The following PLEKHA7 variants were observed in gnomAD, a reference collection of about 807,000 sequenced individuals.
PLEKHA7 encodes the protein pleckstrin homology domain containing A7.
In PLEKHA7, 104 loss-of-function variants were observed where a neutral mutation model predicts 170.0. The ratio of observed to expected loss-of-function variants is 0.61; its 90% confidence interval spans 0.52 to 0.72. PLEKHA7 has a LOEUF of 0.72. Ranked by LOEUF, PLEKHA7 falls within the 30% of genes least tolerant of loss-of-function variation. The probability of loss-of-function intolerance (pLI) is 0.00; values close to 1 mark genes in which losing one functional copy is unlikely to be tolerated. For missense variants in PLEKHA7, 1,615 were observed against 1,671.7 expected, an observed-to-expected ratio of 0.97 and a Z score of 0.59; for synonymous variants, 648 against 660.8, an observed-to-expected ratio of 0.98 and a Z score of 0.30.
chr11:16,797,533 AAC>A (rs1346765555), intron 17 of PLEKHA7, among the ~76,000 whole-genome samples: 1 of 152,196 alleles, frequency 6.6e-6, no homozygotes, highest in Non-Finnish European at 1.5e-5. Flanking sequence ...CAGCCAGGAC[AAC>A]AGAAGTCCAA....
chr11:16,941,043 C>A (rs1366861951), intron 3 of PLEKHA7, among the ~76,000 whole-genome samples: 3 of 152,184 alleles, frequency 2.0e-5, no homozygotes, highest in Admixed American at 6.5e-5. Flanking sequence ...CTAGCACTTA[C>A]CTCCAAGAAA....
intron 17 of PLEKHA7, among the ~76,000 whole-genome samples, chr11:16,795,737 C>T (rs910723382): frequency 1.3e-5 from 2 of 150,732 alleles, no homozygotes; most frequent in African/African-American, 2.4e-5. Flanking sequence ...TGCAGTGAGC[C>T]GAGATCATAT....
intron 3 of PLEKHA7, among the ~76,000 whole-genome samples, chr11:16,986,265 C>T (rs1041884520): frequency 5.9e-5 from 9 of 152,232 alleles, no homozygotes; most frequent in Middle Eastern, 3.4e-3. Flanking sequence ...GAAAACCAGT[C>T]GGAACCATCT....
chr11:16,962,628 T>C (rs1475356708), intron 3 of PLEKHA7, among the ~76,000 whole-genome samples: 1 of 152,162 alleles, frequency 6.6e-6, no homozygotes, highest in Non-Finnish European at 1.5e-5. Flanking sequence ...GCCCAGCTAA[T>C]TTTTATATTT....
intron 3 of PLEKHA7, among the ~76,000 whole-genome samples, chr11:16,925,928 G>C (rs1274624607): frequency 2.0e-5 from 3 of 152,230 alleles, no homozygotes; most frequent in African/African-American, 7.2e-5. Context: ...GGAGGGAAAA[G>C]GGCGGAGGGG....
At position 16,782,905 on chromosome 11, in the gene PLEKHA7, G is replaced by A. The variant is rs966607142; in HGVS notation, c.3651-9C>T. 13 of 1,535,844 alleles carry A rather than the reference G, an allele frequency of 8.5e-6. No homozygotes were observed. Among genetic ancestry groups the A allele is most frequent in the African/African-American group, 1.4e-5 (1 of 73,178 alleles). On this transcript the variant is annotated splice_polypyrimidine_tract_variant and intron_variant, in intron 25 of 26. Coordinates refer to ENST00000531066, the MANE Select transcript of PLEKHA7 (RefSeq NM_001329630.2). ...GCTGTAGGTTGCACATGCTGTAGGA[G>A]GGTCGGAAGCAGACCATGGGCCCTC... is the stretch of plus-strand genomic sequence containing the variant.
chr11:16,841,699 C>T lies in PLEKHA7; in HGVS notation c.720G>A (p.Ala240=), dbSNP rs751356852. 1.7e-5 allele frequency: 27 copies of T among 1,613,910 alleles called. No homozygotes were observed. Among genetic ancestry groups the T allele is most frequent in the East Asian group, 2.2e-5 (1 of 44,894 alleles). ...CCGCTGTGGAGCTGTTATAGATGAG[C>T]GCTCGCATCCCCGTGTGCACAGCCT... ...SFKAVHTGMR[A]LIYNSSTAGS... is the part of the protein sequence containing the mutation. Residue 240 remains alanine, a synonymous_variant, in exon 9 of 27, where the codon GCG becomes GCA. Coordinates refer to ENST00000531066, the MANE Select transcript of PLEKHA7 (RefSeq NM_001329630.2).
chr11:16,879,033 A>C (rs1435024943), intron 3 of PLEKHA7, among the ~76,000 whole-genome samples: 1 of 152,224 alleles, frequency 6.6e-6, no homozygotes, highest in Non-Finnish European at 1.5e-5. Context: ...AATCAAAGAA[A>C]GGAATGCAAA....
At chr11:16,790,741 G>A in intron 21 of PLEKHA7, 57 bp downstream of exon 21, 1 of 1,527,024 alleles carries the variant, frequency 6.5e-7, no homozygotes, top group South Asian at 1.2e-5. Flanking sequence ...ACCAGCTGAA[G>A]GCTGGAAGCA....
At chr11:16,964,300 G>A (rs564517615) in intron 3 of PLEKHA7, among the ~76,000 whole-genome samples, 16 of 152,294 alleles carry the variant, frequency 1.1e-4, no homozygotes, top group Admixed American at 9.2e-4. Flanking sequence ...ATCTGTTTGA[G>A]CTCCTGCTTT....
chr11:16,787,013 A>C, intron 23 of PLEKHA7: 1 of 985,066 alleles, frequency 1.0e-6, no homozygotes, highest in Non-Finnish European at 1.2e-6. Context: ...AAAAAACTAA[A>C]TCATATAAAA....
At chr11:16,868,016 A>T (rs923634004) in intron 4 of PLEKHA7, among the ~76,000 whole-genome samples, 9 of 152,162 alleles carry the variant, frequency 5.9e-5, no homozygotes, top group Admixed American at 2.6e-4. Flanking sequence ...CTTAAACTCA[A>T]CTGGTGTAGA....
At chr11:16,956,194 T>C (rs1163200297) in intron 3 of PLEKHA7, among the ~76,000 whole-genome samples, 1 of 152,200 alleles carries the variant, frequency 6.6e-6, no homozygotes, top group Non-Finnish European at 1.5e-5. Context: ...TATTTTGTTT[T>C]ATTTTTTAGA....
intron 3 of PLEKHA7, among the ~76,000 whole-genome samples, chr11:16,984,375 C>A (rs925489134): frequency 5.9e-5 from 9 of 152,240 alleles, no homozygotes; most frequent in African/African-American, 2.2e-4. Context: ...CATGCCACTC[C>A]TCTGTTCAAA....
chr11:16,878,721 C>T (rs915328774), intron 3 of PLEKHA7, among the ~76,000 whole-genome samples: 1 of 152,206 alleles, frequency 6.6e-6, no homozygotes, highest in African/African-American at 2.4e-5. Flanking sequence ...TTCCACTTCA[C>T]AAAGAGCTGG....
At chr11:16,932,999 G>C (rs1860048129) in intron 3 of PLEKHA7, among the ~76,000 whole-genome samples, 1 of 152,214 alleles carries the variant, frequency 6.6e-6, no homozygotes, top group Admixed American at 6.5e-5. Context: ...AAAGACAATA[G>C]GAAGCCATGG....
chr11:16,982,050 C>T (rs1863461732), intron 3 of PLEKHA7, among the ~76,000 whole-genome samples: 1 of 152,200 alleles, frequency 6.6e-6, no homozygotes, highest in Non-Finnish European at 1.5e-5. Flanking sequence ...ATGCCAGCAG[C>T]GTGAGGCAGG....
intron 3 of PLEKHA7, among the ~76,000 whole-genome samples, chr11:16,911,922 G>A (rs896696906): frequency 1.3e-5 from 2 of 152,062 alleles, no homozygotes; most frequent in African/African-American, 4.8e-5. Flanking sequence ...TTACCAAGCA[G>A]AGCGACACAG....
At chr11:16,974,153 G>A (rs930575504) in intron 3 of PLEKHA7, among the ~76,000 whole-genome samples, 12 of 151,878 alleles carry the variant, frequency 7.9e-5, no homozygotes, top group South Asian at 2.1e-4. Flanking sequence ...TCCCAGCTAC[G>A]TGGGTAAGAT....
Sources: gnomAD v4.1 joint callset for allele counts (sites outside exome capture counted in the v4.1 genomes callset) on GRCh38, gnomAD v4.1.1 for gene constraint, MANE v1.5 for transcripts, NCBI Gene and HGNC (gene_info 2026-07-23, HGNC 2026-07-21) for gene names.